The following TUBGCP2 variants were observed in gnomAD, a reference collection of about 807,000 sequenced individuals.
TUBGCP2 encodes tubulin gamma complex component 2.
TUBGCP2 carries 55 observed loss-of-function variants against 92.2 expected under a neutral mutation model. The ratio of observed to expected loss-of-function variants is 0.60; its 90% CI spans 0.48 to 0.75. The LOEUF (loss-of-function observed/expected upper bound fraction) is 0.75, where lower values mean the gene tolerates loss of function less well. Ranked by LOEUF, TUBGCP2 falls within the 30% of genes least tolerant of loss-of-function variation. TUBGCP2 has a pLI of 0.00. For synonymous variants in TUBGCP2, 533 were observed against 505.2 expected (o/e 1.06, Z -0.74); for missense variants, 1,093 against 1,188.9 (o/e 0.92, Z 1.19).
intron 1 of TUBGCP2, among the ~76,000 whole-genome samples, chr10:133,304,722 AATC>A (rs1487148335): frequency 1.3e-5 from 2 of 152,058 alleles, no homozygotes; most frequent in East Asian, 3.9e-4. Context: ...GAATATCATT[AATC>A]ATCAGTTTGT....
chr10:133,306,348 G>A (rs1433905184), intron 1 of TUBGCP2, among the ~76,000 whole-genome samples: 3 of 152,196 alleles, frequency 2.0e-5, no homozygotes, highest in Non-Finnish European at 4.4e-5. Flanking sequence ...GAGGACTGCA[G>A]GTTGTCCTAT....
intron 11 of TUBGCP2, among the ~76,000 whole-genome samples, chr10:133,287,169 G>A (rs1372940609): frequency 6.6e-6 from 1 of 152,190 alleles, no homozygotes; most frequent in South Asian, 2.1e-4. Flanking sequence ...CCCATGAACT[G>A]TGCACCAGAC....
At chr10:133,288,528 C>T (rs924949957) in intron 10 of TUBGCP2, among the ~76,000 whole-genome samples, 1 of 152,264 alleles carries the variant, frequency 6.6e-6, no homozygotes, top group African/African-American at 2.4e-5. Context: ...AAACACACTA[C>T]AACAGGCTAA....
At chr10:133,293,491 G>C (rs1847413395) in intron 6 of TUBGCP2, 71 bp downstream of exon 6, 2 of 1,490,168 alleles carry the variant, frequency 1.3e-6, no homozygotes, top group Non-Finnish European at 1.8e-6. Flanking sequence ...ACGTCCCCAT[G>C]GTCATCAGGA....
chr10:133,288,043 G>A (rs779147112), intron 11 of TUBGCP2, 86 bp downstream of exon 11: 1 of 1,476,654 alleles, frequency 6.8e-7, no homozygotes, highest in Non-Finnish European at 9.0e-7. Flanking sequence ...CGGGGAGTGG[G>A]GGACAGGGCT....
chr10:133,291,076 G>A (rs1341327756), intron 8 of TUBGCP2: 2 of 237,030 alleles, frequency 8.4e-6, no homozygotes, highest in African/African-American at 4.7e-5. Flanking sequence ...GGACCTAATT[G>A]GAGGCAATTT....
chr10:133,287,022 G>A (rs766475604), intron 11 of TUBGCP2, among the ~76,000 whole-genome samples: 7 of 152,182 alleles, frequency 4.6e-5, no homozygotes, highest in Admixed American at 2.6e-4. Flanking sequence ...CCCAAGAGTT[G>A]GTTCTTTGAA....
intron 2 of TUBGCP2, 158 bp from the exon 3 acceptor site, chr10:133,300,271 T>C (rs1847611418): frequency 1.1e-6 from 1 of 910,004 alleles, no homozygotes; most frequent in South Asian, 1.8e-5. Context: ...CATCTCCATA[T>C]TGTGTTAAAC....
At chr10:133,299,921 G>T in intron 3 of TUBGCP2, 64 bp downstream of exon 3, 1 of 1,591,034 alleles carries the variant, frequency 6.3e-7, no homozygotes, top group Non-Finnish European at 8.6e-7. Context: ...GTGAGCAGGA[G>T]ACGCGACCCC....
chr10:133,292,801 G>C, intron 7 of TUBGCP2, 113 bp from the exon 8 acceptor site: 2 of 1,315,748 alleles, frequency 1.5e-6, no homozygotes, highest in Non-Finnish European at 2.1e-6. Context: ...GGACGGTGCT[G>C]CTTCTTTGGG....
At chr10:133,286,607 C>T (rs1320889038) in intron 11 of TUBGCP2, among the ~76,000 whole-genome samples, 1 of 152,100 alleles carries the variant, frequency 6.6e-6, no homozygotes, top group Non-Finnish European at 1.5e-5. Context: ...GGCACATCCT[C>T]CTCCCGCGCG....
chr10:133,289,822 A>ACGCCAAGTCCCTG lies in TUBGCP2; in HGVS notation c.1360+1_1360+2insCAGGGACTTGGCG. The ACGCCAAGTCCCTG allele has an allele frequency of 2.9e-6, 1 of 340,274 alleles. No individual in the cohort carries two copies. The highest frequency in any genetic ancestry group is 7.3e-5 in the Admixed American group (1 of 13,688). 21.1% of individuals were successfully genotyped at this position (340,274 alleles called of 1,614,324 possible). ...CCCAAGTCCCCGCCCGCTGCGCCGCACCTGTGCTGAGGATCTTGTCCGCCA... is the reference window on the plus strand; with the variant it reads ...CCCAAGTCCCCGCCCGCTGCGCCGCACGCCAAGTCCCTGCCTGTGCTGAGGATCTTGTCCGCCA... On this transcript the variant is annotated splice_donor_variant, in intron 9 of 17. Coordinates refer to ENST00000252936, the MANE Select transcript of TUBGCP2 (RefSeq NM_006659.4). LOFTEE classifies it high-confidence loss of function.
chr10:133,308,970 C>A, upstream of TUBGCP2: 1 of 1,242,590 alleles, frequency 8.0e-7, no homozygotes, highest in African/African-American at 1.6e-5. Flanking sequence ...CGCTGTGCGC[C>A]CGCCTCGCTG....
chr10:133,286,036 A>G (rs1015971007), intron 11 of TUBGCP2, among the ~76,000 whole-genome samples: 5 of 152,154 alleles, frequency 3.3e-5, no homozygotes, highest in African/African-American at 4.8e-5. Flanking sequence ...TACTGTCCTC[A>G]CGTTAATCAC....
upstream of TUBGCP2, chr10:133,309,933 T>A: frequency 6.2e-7 from 1 of 1,613,274 alleles, no homozygotes. Flanking sequence ...CATCCTGGAG[T>A]GGCACGATTC....
In TUBGCP2 at chr10:133,279,678, A is replaced by G; in HGVS notation, c.*88T>C. 1.4e-6 allele frequency: 2 copies of G among 1,446,904 alleles called. No individual in the cohort carries two copies. The highest frequency in any genetic ancestry group is 1.4e-5 in the South Asian group (1 of 70,284). 89.6% of individuals were successfully genotyped at this position (1,446,904 alleles called of 1,614,324 possible). ...CTTTATATTTAAACTGCAAAGACAG[A>G]ACACAGAGCATTCGATTTGAAAATT... On this transcript the variant is annotated 3_prime_UTR_variant, in exon 18 of 18. Coordinates refer to ENST00000252936, the MANE Select transcript of TUBGCP2 (RefSeq NM_006659.4).
rs1589818660 is a variant in TUBGCP2 at position 133,279,258 on chromosome 10, T to G, written c.*508A>C. The G allele has an allele frequency of 6.5e-6, 1 of 153,688 alleles. No homozygotes were observed. Among genetic ancestry groups the G allele is most frequent in the Non-Finnish European group, 1.4e-5 (1 of 69,084 alleles). 9.5% of individuals were successfully genotyped at this position (153,688 alleles called of 1,614,324 possible). On this transcript the variant is annotated 3_prime_UTR_variant, in exon 18 of 18. Coordinates refer to ENST00000252936, the MANE Select transcript of TUBGCP2 (RefSeq NM_006659.4). Reference sequence around the variant, plus strand: ...AGTTGGAGCAGCAGCAGGAGGAGGGTCGTGGAGGCGGGTGAGTCCTCAGGA... The same window carrying G: ...AGTTGGAGCAGCAGCAGGAGGAGGGGCGTGGAGGCGGGTGAGTCCTCAGGA...
chr10:133,309,064 G>C, upstream of TUBGCP2: 2 of 1,291,978 alleles, frequency 1.5e-6, no homozygotes, highest in Non-Finnish European at 9.9e-7. Context: ...TGCGCGCCCC[G>C]TGCGCTTCCC....
In TUBGCP2 at chr10:133,285,444, G is replaced by A. The variant is rs759453723; in HGVS notation, c.1895+12C>T. 6.2e-7 allele frequency: 1 copy of A among 1,613,134 alleles called. No homozygotes were observed. Among genetic ancestry groups the A allele is most frequent in the African/African-American group, 1.3e-5 (1 of 74,850 alleles). ...TGAAGATCTGGCAGGTGCCCGAGCA[G>A]CCGACCCGCACCTGTTGATGATGAG... On this transcript the variant is annotated intron_variant, in intron 12 of 17. Coordinates refer to ENST00000252936, the MANE Select transcript of TUBGCP2 (RefSeq NM_006659.4). This position sits in a 1 kb window ranked among gnomAD's most constrained non-coding sequence, Gnocchi z 6.8.
Sources: gnomAD v4.1 joint callset for allele counts (sites outside exome capture counted in the v4.1 genomes callset) on GRCh38, gnomAD v4.1.1 for gene constraint, Gnocchi (gnomAD v3.1) non-coding constraint, MANE v1.5 for transcripts, NCBI Gene and HGNC (gene_info 2026-07-23, HGNC 2026-07-21) for gene names.